Variants in GRM7 observed in about 807,000 individuals in gnomAD.
GRM7 encodes glutamate metabotropic receptor 7.
Under a neutral mutation model 84.5 loss-of-function variants are expected in GRM7, and 35 were observed. The ratio of observed to expected loss-of-function variants is 0.41; its 90% confidence interval spans 0.32 to 0.55. The LOEUF (loss-of-function observed/expected upper bound fraction) is 0.55. Ranked by LOEUF, GRM7 falls within the 20% of genes least tolerant of loss-of-function variation. GRM7 has a pLI of 0.19. For synonymous variants in GRM7, 487 were observed against 455.1 expected, an observed-to-expected ratio of 1.07 and a Z score of -0.89; for missense variants, 1,003 against 1,194.6, an observed-to-expected ratio of 0.84 and a Z score of 2.36.
At chr3:7,597,234 G>A (rs13321632) in intron 8 of GRM7, among the ~76,000 whole-genome samples, 1 of 151,814 alleles carries the variant, frequency 6.6e-6, no homozygotes, top group African/African-American at 2.4e-5. Flanking sequence ...AAGAGAGAGT[G>A]GGGGGAGGTG....
chr3:7,598,056 A>T (rs925545074), intron 8 of GRM7, among the ~76,000 whole-genome samples: 1 of 152,184 alleles, frequency 6.6e-6, no homozygotes, highest in Admixed American at 6.6e-5. Context: ...GGATACAGGT[A>T]TTTGTTTCCT....
chr3:7,139,374 A>G (rs1309104147), intron 1 of GRM7, among the ~76,000 whole-genome samples: 1 of 151,814 alleles, frequency 6.6e-6, no homozygotes, highest in Admixed American at 6.6e-5. Context: ...CTGAAGCATC[A>G]ATATAAAAAT....
intron 8 of GRM7, among the ~76,000 whole-genome samples, chr3:7,621,543 G>A (rs1227173645): frequency 6.6e-6 from 1 of 152,114 alleles, no homozygotes; most frequent in Non-Finnish European, 1.5e-5. Flanking sequence ...CGATGGAGTT[G>A]AAATGCTTGT....
intron 5 of GRM7, among the ~76,000 whole-genome samples, chr3:7,418,644 A>G (rs1411501697): frequency 6.6e-6 from 1 of 152,124 alleles, no homozygotes; most frequent in Non-Finnish European, 1.5e-5. Flanking sequence ...TGGCACAAAG[A>G]CCAGTTTAGA....
At chr3:7,362,323 T>C (rs1031695010) in intron 4 of GRM7, among the ~76,000 whole-genome samples, 4 of 144,042 alleles carry the variant, frequency 2.8e-5, no homozygotes, top group African/African-American at 7.8e-5. Context: ...ATTAAAACTG[T>C]ATTCATGTTT....
intron 3 of GRM7, among the ~76,000 whole-genome samples, chr3:7,305,798 T>G (rs1700174561): frequency 6.6e-6 from 1 of 152,142 alleles, no homozygotes; most frequent in Non-Finnish European, 1.5e-5. Flanking sequence ...AAACCACTTA[T>G]CCTGTGGTCT....
chr3:7,487,508 G>A (rs528315636), intron 7 of GRM7, among the ~76,000 whole-genome samples: 1 of 152,232 alleles, frequency 6.6e-6, no homozygotes, highest in Admixed American at 6.5e-5. Context: ...TGCTGCCCAG[G>A]ACCACCTCTA....
chr3:7,261,594 T>G (rs1698424413), intron 2 of GRM7, among the ~76,000 whole-genome samples: 1 of 152,190 alleles, frequency 6.6e-6, no homozygotes, highest in Non-Finnish European at 1.5e-5. Context: ...CCTATTTATA[T>G]TCAAGGTTAT....
At chr3:7,442,311 A>G (rs935485480) in intron 5 of GRM7, among the ~76,000 whole-genome samples, 9 of 152,048 alleles carry the variant, frequency 5.9e-5, no homozygotes, top group African/African-American at 2.2e-4. Context: ...ATTTTCATAT[A>G]TTGATTTTGT....
At chr3:7,125,873 C>T (rs1371214791) in intron 1 of GRM7, among the ~76,000 whole-genome samples, 5 of 152,192 alleles carry the variant, frequency 3.3e-5, no homozygotes, top group Non-Finnish European at 7.3e-5. Flanking sequence ...CAGCTAACTA[C>T]ACCATCTCCT....
At chr3:7,170,938 A>T (rs1694964008) in intron 2 of GRM7, among the ~76,000 whole-genome samples, 1 of 152,176 alleles carries the variant, frequency 6.6e-6, no homozygotes, top group African/African-American at 2.4e-5. Flanking sequence ...AGCATGATAC[A>T]TGCAGACACA....
chr3:7,338,710 C>T (rs956982403), intron 4 of GRM7, among the ~76,000 whole-genome samples: 13 of 151,934 alleles, frequency 8.6e-5, no homozygotes, highest in African/African-American at 3.1e-4. Context: ...GGTATTGAAA[C>T]TGGAAAATTC....
intron 8 of GRM7, among the ~76,000 whole-genome samples, chr3:7,664,505 A>G (rs1699598788): frequency 6.6e-6 from 1 of 152,166 alleles, no homozygotes; most frequent in Admixed American, 6.5e-5. Flanking sequence ...TGGAATTGCC[A>G]AATGTCTTCT....
intron 1 of GRM7, among the ~76,000 whole-genome samples, chr3:6,877,330 G>A (rs190349188): frequency 3.9e-5 from 6 of 152,282 alleles, no homozygotes; most frequent in Admixed American, 2.0e-4. Context: ...TTGACGCCAG[G>A]ATACAGCAGC....
chr3:7,481,005 G>A (rs1336125091), intron 7 of GRM7, among the ~76,000 whole-genome samples: 3 of 152,110 alleles, frequency 2.0e-5, no homozygotes, highest in Non-Finnish European at 2.9e-5. Context: ...ATGAAAGTAT[G>A]CAAGTGGGTG....
chr3:7,253,689 C>T (rs1028604131), intron 2 of GRM7, among the ~76,000 whole-genome samples: 4 of 151,696 alleles, frequency 2.6e-5, no homozygotes, highest in African/African-American at 7.3e-5. Context: ...TTTGTTTTCC[C>T]ACCTTATAGC....
At chr3:7,258,327 T>C (rs1698284995) in intron 2 of GRM7, among the ~76,000 whole-genome samples, 1 of 152,092 alleles carries the variant, frequency 6.6e-6, no homozygotes, top group Non-Finnish European at 1.5e-5. Context: ...TGTAGGGGTC[T>C]ATGGAATGGG....
intron 7 of GRM7, among the ~76,000 whole-genome samples, chr3:7,556,173 A>G (rs1050069095): frequency 6.6e-6 from 1 of 152,106 alleles, no homozygotes; most frequent in Non-Finnish European, 1.5e-5. Context: ...CTCACGTGGT[A>G]GAAAGGACAA....
At chr3:7,622,064 A>G (rs1044184340) in intron 8 of GRM7, among the ~76,000 whole-genome samples, 4 of 152,106 alleles carry the variant, frequency 2.6e-5, no homozygotes, top group African/African-American at 9.7e-5. Flanking sequence ...CACGGGCTCA[A>G]TTTTTCAGAT....
Sources: allele counts gnomAD v4.1 joint callset (sites outside exome capture counted in the v4.1 genomes callset), GRCh38; gene constraint gnomAD v4.1.1; transcripts MANE v1.5; gene names NCBI Gene and HGNC (gene_info 2026-07-23, HGNC 2026-07-21).